The following TTC17 variants were observed in gnomAD, a reference collection of about 807,000 sequenced individuals.
TTC17 encodes tetratricopeptide repeat domain 17.
TTC17 carries 58 observed loss-of-function variants against 143.8 expected under a neutral mutation model. That is an observed-to-expected ratio of 0.40 (90% CI 0.33 to 0.50). The LOEUF (loss-of-function observed/expected upper bound fraction) is 0.50. TTC17 is among the 20% of genes least tolerant of loss of function. The pLI, the probability that TTC17 is intolerant of heterozygous loss-of-function variation, is 0.49. For synonymous variants in TTC17, 501 were observed against 497.8 expected (o/e 1.01, Z -0.09); for missense variants, 1,273 against 1,392.5 (o/e 0.91, Z 1.37).
chr11:43,385,849 A>G (rs1224829636), intron 2 of TTC17, among the ~76,000 whole-genome samples: 6 of 151,800 alleles, frequency 4.0e-5, no homozygotes, highest in Non-Finnish European at 8.8e-5. Flanking sequence ...AAGAAATTAA[A>G]CAGTCTCAAG....
chr11:43,487,258 GCCT>G (rs1948398549), intron 21 of TTC17, among the ~76,000 whole-genome samples: 1 of 152,090 alleles, frequency 6.6e-6, no homozygotes, highest in Non-Finnish European at 1.5e-5. Context: ...TGATTCTCCT[GCCT>G]CAGCTTCCTG....
intron 15 of TTC17, among the ~76,000 whole-genome samples, chr11:43,409,774 T>C (rs1858319456): frequency 6.6e-6 from 1 of 152,186 alleles, no homozygotes; most frequent in African/African-American, 2.4e-5. Context: ...TGCTTAAAAA[T>C]ACCACCTCTC....
chr11:43,416,533 G>T lies in TTC17; in HGVS notation c.2251+1757G>T, dbSNP rs563929541. Among the ~76,000 whole-genome samples, 12 of 152,240 alleles carry T rather than the reference G, an allele frequency of 7.9e-5. No homozygotes were observed. In the East Asian group the frequency reaches 2.3e-3, roughly 29 times the overall value. On this transcript the variant is annotated intron_variant, in intron 16 of 23. Coordinates refer to ENST00000039989, the MANE Select transcript of TTC17 (RefSeq NM_018259.6). ...TTGTCTTGAACTTTTTCCCCAGAAT[G>T]TAACCTCAACTGGTCCAGGAAACTA...
At chr11:43,490,825 T>C (rs1486271108) in intron 22 of TTC17, 1 of 131,652 alleles carries the variant, frequency 7.6e-6, no homozygotes, top group Non-Finnish European at 1.5e-5. Flanking sequence ...GGCCAGTTCC[T>C]GGTCCTTGTC....
intron 1 of TTC17, among the ~76,000 whole-genome samples, chr11:43,361,137 C>T (rs1004671425): frequency 7.2e-5 from 11 of 152,224 alleles, no homozygotes; most frequent in African/African-American, 2.7e-4. Context: ...GAGTTCCACT[C>T]TGATAGCTGA....
At chr11:43,450,313 G>A in intron 20 of TTC17, 72 bp downstream of exon 20, 4 of 1,473,172 alleles carry the variant, frequency 2.7e-6, no homozygotes, top group Non-Finnish European at 2.7e-6. Context: ...TACATAGAAA[G>A]CCCAGGTGAC....
intron 16 of TTC17, among the ~76,000 whole-genome samples, chr11:43,423,715 G>A (rs1227839023): frequency 6.6e-6 from 1 of 152,128 alleles, no homozygotes; most frequent in Non-Finnish European, 1.5e-5. Flanking sequence ...CTAAATTAGT[G>A]TAAGATTAGA....
chr11:43,405,982 C>G, intron 13 of TTC17, 31 bp downstream of exon 13: 1 of 1,600,634 alleles, frequency 6.2e-7, no homozygotes, highest in Non-Finnish European at 8.5e-7. Context: ...TATTTATTGC[C>G]GTCCATTCTG....
intron 16 of TTC17, among the ~76,000 whole-genome samples, chr11:43,428,190 C>A (rs776601856): frequency 6.6e-6 from 1 of 151,998 alleles, no homozygotes; most frequent in Non-Finnish European, 1.5e-5. Context: ...CTCTCTCGAC[C>A]CTCATTGAAA....
At position 43,389,769 on chromosome 11, in the gene TTC17, G is replaced by C. The variant is rs141976650; in HGVS notation, c.367G>C (p.Asp123His). The C allele has an allele frequency of 6.2e-7, 1 of 1,613,860 alleles. No homozygotes were observed. Among genetic ancestry groups the C allele is most frequent in the Non-Finnish European group, 8.5e-7 (1 of 1,179,962 alleles). ...CATCAAAGCCAAGGTGCCCTTAGGG[G>C]ACCTGGATCTATATGATGGCACATA... ...DCIKAKVPLG[D>H]LDLYDGTYIT... Residue 123 changes from aspartate to histidine, a missense_variant, in exon 3 of 24, where the codon GAC becomes CAC. Asp to His is a moderately conservative substitution (Grantham distance 81, BLOSUM62 -1). Coordinates refer to ENST00000039989, the MANE Select transcript of TTC17 (RefSeq NM_018259.6).
chr11:43,488,672 G>A (rs570969624), intron 21 of TTC17, among the ~76,000 whole-genome samples: 1 of 152,122 alleles, frequency 6.6e-6, no homozygotes, highest in East Asian at 1.9e-4. Context: ...TAAAAATTCT[G>A]TAGGGGAAAT....
rs1857642836 is a variant in TTC17, at chr11:43,397,465, T to C, written c.892T>C (p.Tyr298His). The change falls in exon 7 of 24, where the codon TAT (tyrosine) becomes CAT (histidine). Residue 298 changes from tyrosine (Y) to histidine (H), a missense_variant. Coordinates refer to ENST00000039989, the MANE Select transcript of TTC17 (RefSeq NM_018259.6). ...GGATGACAGTGACTTCTTCACCAGC[T>C]ATTACACTTTGGGGAATATATATGC... is the stretch of plus-strand genomic sequence containing the variant. ...ALDDSDFFTS[Y>H]YTLGNIYAML... The C allele has an allele frequency of 1.2e-6, 2 of 1,612,898 alleles. No homozygotes were observed. The highest frequency in any genetic ancestry group is 2.2e-5 in the South Asian group (2 of 91,058).
At chr11:43,368,766 A>C (rs561569316) in intron 1 of TTC17, among the ~76,000 whole-genome samples, 1 of 152,234 alleles carries the variant, frequency 6.6e-6, no homozygotes, top group East Asian at 1.9e-4. Flanking sequence ...GTTTCCCATC[A>C]TACTTAGATT....
intron 1 of TTC17, chr11:43,370,254 C>T (rs1856512209): frequency 3.0e-6 from 1 of 328,688 alleles, no homozygotes; most frequent in Admixed American, 4.0e-5. Context: ...TGCGTCATTC[C>T]ATCCCTGTGA....
At chr11:43,469,478 A>G (rs779115058) in intron 21 of TTC17, among the ~76,000 whole-genome samples, 11 of 152,236 alleles carry the variant, frequency 7.2e-5, no homozygotes, top group Non-Finnish European at 1.5e-4. Context: ...GTGCCCATCA[A>G]TAGAAGAATA....
intron 16 of TTC17, among the ~76,000 whole-genome samples, chr11:43,431,108 T>G (rs1947148299): frequency 6.6e-6 from 1 of 152,226 alleles, no homozygotes; most frequent in Non-Finnish European, 1.5e-5. Flanking sequence ...GAACTCATCC[T>G]TTTTTATGGC....
intron 21 of TTC17, among the ~76,000 whole-genome samples, chr11:43,471,628 C>T (rs1948094536): frequency 6.6e-6 from 1 of 152,152 alleles, no homozygotes; most frequent in East Asian, 1.9e-4. Context: ...GGGAAGATTT[C>T]GAAGCCAAAA....
At chr11:43,397,080 A>G in intron 6 of TTC17, 1 of 474,008 alleles carries the variant, frequency 2.1e-6, no homozygotes, top group Non-Finnish European at 3.7e-6. Flanking sequence ...CTTGAATGGA[A>G]TTATCATAAA....
At chr11:43,468,006 C>CAT (rs1198871578) in intron 21 of TTC17, 3 of 152,002 alleles carry the variant, frequency 2.0e-5, no homozygotes, top group African/African-American at 7.2e-5. Flanking sequence ...TTCACAGACT[C>CAT]AAAGTGTGTG....
Sources: gnomAD v4.1 joint callset for allele counts (sites outside exome capture counted in the v4.1 genomes callset) on GRCh38, gnomAD v4.1.1 for gene constraint, MANE v1.5 for transcripts, NCBI Gene and HGNC (gene_info 2026-07-23, HGNC 2026-07-21) for gene names.